Variants in GNAL observed in about 807,000 individuals in gnomAD.
The protein encoded by GNAL is guanine nucleotide-binding protein G(olf) subunit alpha.
A neutral mutation model predicts 55.1 loss-of-function variants in GNAL; 18 were observed. The observed-to-expected ratio is 0.33, with a 90% CI of 0.23 to 0.48. GNAL has a LOEUF of 0.48. Among genes scored for constraint, GNAL ranks in the 20% least tolerant of loss-of-function variants. The pLI, the probability that GNAL is intolerant of heterozygous loss-of-function variation, is 0.99. For missense variants in GNAL, 412 were observed against 614.1 expected, an observed-to-expected ratio of 0.67 and a Z score of 3.48; for synonymous variants, 253 against 237.0, an observed-to-expected ratio of 1.07 and a Z score of -0.62.
chr18:11,740,734 G>A (rs183878906), intron 1 of GNAL, among the ~76,000 whole-genome samples: 1 of 152,082 alleles, frequency 6.6e-6, no homozygotes, highest in East Asian at 1.9e-4. Context: ...AATTTGTTTC[G>A]GATTCGTGTG....
At chr18:11,770,956 T>C (rs1187936332) in intron 4 of GNAL, among the ~76,000 whole-genome samples, 2 of 152,124 alleles carry the variant, frequency 1.3e-5, no homozygotes, top group Non-Finnish European at 2.9e-5. Context: ...GGCTCAAGCC[T>C]GTAATCCCAG....
chr18:11,743,551 A>G (rs1194876954), intron 1 of GNAL, among the ~76,000 whole-genome samples: 1 of 152,216 alleles, frequency 6.6e-6, no homozygotes, highest in African/African-American at 2.4e-5. Context: ...TTGTTCATAT[A>G]TGGTAGATTT....
At chr18:11,781,093 AAC>A (rs1403866133) in intron 4 of GNAL, among the ~76,000 whole-genome samples, 1 of 152,236 alleles carries the variant, frequency 6.6e-6, no homozygotes, top group Non-Finnish European at 1.5e-5. Context: ...TGCTGACCAG[AAC>A]TACCAGTGTT....
intron 5 of GNAL, chr18:11,857,511 C>A: frequency 2.0e-6 from 2 of 985,408 alleles, no homozygotes; most frequent in Non-Finnish European, 2.4e-6. Flanking sequence ...GGACTTTACC[C>A]CATGGGAAGG....
chr18:11,882,722 T>TTG lies in GNAL; in HGVS notation c.*1591_*1592dup, dbSNP rs751404870. 2.0e-5 allele frequency: 3 copies of TTG among 151,712 alleles called. No individual in the cohort carries two copies. The highest frequency in any genetic ancestry group is 4.4e-5 in the Non-Finnish European group (3 of 67,974). 9.4% of individuals were successfully genotyped at this position (151,712 alleles called of 1,614,324 possible). A position where few individuals can be genotyped will look rare whatever the true frequency, so the allele number is the denominator to read the frequency against. ...AAAAAAAACCTTGACGTGTCAATGT[T>TTG]TGTGTCTGGCCTAGGAGAATGAGGA... On this transcript the variant is annotated 3_prime_UTR_variant, in exon 12 of 12. Transcript: ENST00000334049.
chr18:11,862,255 A>G, intron 5 of GNAL, 140 bp from the exon 6 acceptor site: 1 of 595,836 alleles, frequency 1.7e-6, no homozygotes, highest in Non-Finnish European at 3.1e-6. Context: ...CAAATTCAGG[A>G]AACAAAGTAA....
intron 4 of GNAL, among the ~76,000 whole-genome samples, chr18:11,821,473 G>A (rs1276921712): frequency 2.6e-5 from 4 of 152,194 alleles, no homozygotes; most frequent in African/African-American, 7.2e-5. Context: ...GCGATCATGT[G>A]TTAAAGTACT....
At chr18:11,864,698 T>C in intron 7 of GNAL, 92 bp downstream of exon 7, 1 of 780,092 alleles carries the variant, frequency 1.3e-6, no homozygotes, top group South Asian at 1.4e-5. Context: ...CATTCCTGAA[T>C]GTGCATGGCA....
intron 5 of GNAL, among the ~76,000 whole-genome samples, chr18:11,860,035 A>T (rs2036096375): frequency 6.6e-6 from 1 of 152,180 alleles, no homozygotes; most frequent in Non-Finnish European, 1.5e-5. Flanking sequence ...GGCGTGCACC[A>T]CTGCACCTGG....
At position 11,785,185 on chromosome 18, in the gene GNAL, A is replaced by G. The variant is rs561902694; in HGVS notation, c.624+31240A>G. ...TTTAGATGGTTTTATATAAGATTTC[A>G]TCCCAGTGGAATTTGGAAATTAGTC... On this transcript the variant is annotated intron_variant, in intron 4 of 11. Transcript: ENST00000334049. 4.7e-4 allele frequency among the ~76,000 whole-genome samples: 72 copies of G among 152,248 alleles called. 1 individual carries two copies. The South Asian group carries it at 0.015, about 31-fold the overall frequency.
chr18:11,697,991 C>G (rs989289312), intron 1 of GNAL, among the ~76,000 whole-genome samples: 1 of 152,016 alleles, frequency 6.6e-6, no homozygotes, highest in Non-Finnish European at 1.5e-5. Context: ...ACATGCCACC[C>G]GGAGAGGACA....
intron 5 of GNAL, chr18:11,851,711 G>A: frequency 6.2e-7 from 1 of 1,614,044 alleles, no homozygotes; most frequent in Non-Finnish European, 8.5e-7. Flanking sequence ...AATTTCTTGA[G>A]AATGAGTGCG....
chr18:11,706,259 C>T (rs187274841), intron 1 of GNAL, among the ~76,000 whole-genome samples: 62 of 151,464 alleles, frequency 4.1e-4, no homozygotes, highest in African/African-American at 1.3e-3. Flanking sequence ...ATTTTTTTCT[C>T]GGTGCATATA....
At chr18:11,818,008 G>A (rs2035002968) in intron 4 of GNAL, among the ~76,000 whole-genome samples, 1 of 151,610 alleles carries the variant, frequency 6.6e-6, no homozygotes, top group Non-Finnish European at 1.5e-5. Context: ...GGCTGAGACG[G>A]GCGGATCACT....
Position 11,884,164 on chromosome 18 carries a change from C to T in GNAL, c.*3029C>T, listed in dbSNP as rs1567915401. ...GGACTGTCGTGCATGTGAGTGACGA[C>T]ATTAATAGCATTTACATACTGTACA... On this transcript the variant is annotated 3_prime_UTR_variant, in exon 12 of 12. Coordinates refer to ENST00000334049, the MANE Select transcript of GNAL (RefSeq NM_182978.4). 2 of 317,192 alleles carry T rather than the reference C, an allele frequency of 6.3e-6. No homozygotes were observed. Among genetic ancestry groups the T allele is most frequent in the African/African-American group, 4.2e-5 (2 of 47,512 alleles). The allele number at this position is 317,192 out of a possible 1,614,324, so 19.6% of individuals were successfully genotyped here. A position where few individuals can be genotyped will look rare whatever the true frequency, so the allele number is the denominator to read the frequency against.
chr18:11,780,678 T>C (rs2033903380), intron 4 of GNAL, among the ~76,000 whole-genome samples: 1 of 152,126 alleles, frequency 6.6e-6, no homozygotes, highest in African/African-American at 2.4e-5. Flanking sequence ...GGTTTTCACG[T>C]CTGTAAAATG....
At chr18:11,715,885 G>GA (rs958993006) in intron 1 of GNAL, among the ~76,000 whole-genome samples, 225 of 142,110 alleles carry the variant, frequency 1.6e-3, no homozygotes, top group African/African-American at 4.7e-3. Context: ...ATGAACATAT[G>GA]AAAAAAAAAA....
chr18:11,841,027 G>A (rs780815586), intron 5 of GNAL, among the ~76,000 whole-genome samples: 8 of 151,726 alleles, frequency 5.3e-5, no homozygotes, highest in Admixed American at 2.6e-4. Context: ...TGTGCACCAC[G>A]ATGCCCAGCT....
intron 1 of GNAL, among the ~76,000 whole-genome samples, chr18:11,703,637 G>A (rs12958933): frequency 0.71 from 108,042 of 152,128 alleles, 38,951 homozygotes; most frequent in African/African-American, 0.8. Context: ...GGTTGATCCA[G>A]TGGACTTCGC....
Sources: allele counts gnomAD v4.1 joint callset (sites outside exome capture counted in the v4.1 genomes callset), GRCh38; gene constraint gnomAD v4.1.1; transcripts MANE v1.5; gene names NCBI Gene and HGNC (gene_info 2026-07-23, HGNC 2026-07-21).